The following UBR1 variants were observed in gnomAD, a reference collection of about 807,000 sequenced individuals.
The protein encoded by UBR1 is ubiquitin protein ligase E3 component n-recognin 1.
UBR1 carries 102 observed loss-of-function variants against 242.1 expected under a neutral mutation model. That is an observed-to-expected ratio of 0.42 (90% CI 0.36 to 0.50). UBR1 has a LOEUF of 0.50. Ranked by LOEUF, UBR1 falls within the 20% of genes least tolerant of loss-of-function variation. The pLI is 0.01. For synonymous variants in UBR1, 675 were observed against 684.8 expected, an observed-to-expected ratio of 0.99 and a Z score of 0.22; for missense variants, 1,772 against 2,101.8, an observed-to-expected ratio of 0.84 and a Z score of 3.07.
At position 42,970,565 on chromosome 15, in the gene UBR1, T is replaced by C; in HGVS notation, c.4412A>G (p.His1471Arg). ...AQVQEDSEEAHSASSFFAEIS... is the reference protein window; with the variant it reads ...AQVQEDSEEARSASSFFAEIS... Reference sequence around the variant, plus strand: ...TTCTGCAAAGAAAGAAGATGCGGAATGAGCCTCTTCACTGTCTTCTTGAAC... The same window carrying C: ...TTCTGCAAAGAAAGAAGATGCGGAACGAGCCTCTTCACTGTCTTCTTGAAC... Residue 1471 changes from histidine to arginine, a missense_variant, in exon 40 of 47, where the codon CAT (histidine) becomes CGT (arginine). His to Arg is a conservative substitution (Grantham distance 29, BLOSUM62 0). Transcript: ENST00000290650. 6.2e-7 allele frequency: 1 copy of C among 1,613,904 alleles called. No individual in the cohort carries two copies. The highest frequency in any genetic ancestry group is 8.5e-7 in the Non-Finnish European group (1 of 1,180,020).
chr15:42,988,506 C>G, intron 35 of UBR1: 1 of 356,946 alleles, frequency 2.8e-6, no homozygotes, highest in Admixed American at 4.0e-5. Flanking sequence ...TGGTCTCAAA[C>G]TCCTGCTCTC....
At chr15:42,987,242 G>T (rs964528535) in intron 35 of UBR1, among the ~76,000 whole-genome samples, 1 of 152,214 alleles carries the variant, frequency 6.6e-6, no homozygotes, top group Non-Finnish European at 1.5e-5. Context: ...CAATGTAGGC[G>T]GAGGCTCACT....
intron 39 of UBR1, 96 bp downstream of exon 39, chr15:42,976,621 C>T (rs2141266792): frequency 1.4e-6 from 2 of 1,449,618 alleles, no homozygotes; most frequent in East Asian, 4.6e-5. Flanking sequence ...TAACACAGAA[C>T]CTAGAAATAC....
chr15:42,970,717 G>A, intron 39 of UBR1, 110 bp from the exon 40 acceptor site: 1 of 1,000,902 alleles, frequency 1.0e-6, no homozygotes, highest in Non-Finnish European at 1.5e-6. Flanking sequence ...ATTCAACTGA[G>A]GTTCTTTCCT....
At chr15:43,090,956 T>C (rs939162200) in intron 1 of UBR1, among the ~76,000 whole-genome samples, 2 of 152,226 alleles carry the variant, frequency 1.3e-5, no homozygotes, top group African/African-American at 2.4e-5. Flanking sequence ...TTATTTTTTT[T>C]GAGGTGGAGT....
intron 20 of UBR1, among the ~76,000 whole-genome samples, chr15:43,030,917 T>C (rs1209818648): frequency 6.6e-6 from 1 of 152,224 alleles, no homozygotes; most frequent in Non-Finnish European, 1.5e-5. Context: ...CATTCATTCC[T>C]CTTTACATTT....
chr15:42,968,582 A>C (rs992847207), intron 40 of UBR1, among the ~76,000 whole-genome samples: 3 of 152,010 alleles, frequency 2.0e-5, no homozygotes, highest in African/African-American at 7.3e-5. Flanking sequence ...GGTTTGTTAT[A>C]TAGGTATACA....
In UBR1 at chr15:43,034,436, T is replaced by C. The variant is rs2141314988; in HGVS notation, c.2190+1742A>G. The stretch of plus-strand genomic sequence containing the variant: ...GCCTGGGCGACAGAGTGAGACTCTG[T>C]CTCAAAAACAATTAATAAATAAATA... On this transcript the variant is annotated intron_variant, in intron 19 of 46. Coordinates refer to ENST00000290650, the MANE Select transcript of UBR1 (RefSeq NM_174916.3). Among the ~76,000 whole-genome samples the C allele has an allele frequency of 2.0e-5, 3 of 151,622 alleles. No individual in the cohort carries two copies. The South Asian group carries it at 6.2e-4, about 32-fold the overall frequency.
At chr15:43,102,331 T>G (rs910782279) in intron 1 of UBR1, among the ~76,000 whole-genome samples, 2 of 152,198 alleles carry the variant, frequency 1.3e-5, no homozygotes, top group Non-Finnish European at 2.9e-5. Context: ...AACTTCTTAA[T>G]TGCTCCCACT....
At chr15:43,020,898 C>G (rs1413612330) in intron 27 of UBR1, among the ~76,000 whole-genome samples, 1 of 152,138 alleles carries the variant, frequency 6.6e-6, no homozygotes, top group Non-Finnish European at 1.5e-5. Context: ...CCAAAGTAAC[C>G]CCTTACTCAT....
Position 43,021,328 on chromosome 15 carries a change from T to C in UBR1, c.2887A>G (p.Lys963Glu). The C allele has an allele frequency of 6.2e-7, 1 of 1,613,824 alleles. No individual in the cohort carries two copies. The highest frequency in any genetic ancestry group is 2.2e-5 in the East Asian group (1 of 44,786). The change falls in exon 27 of 47, where the codon AAA becomes GAA. Residue 963 changes from lysine to glutamate, a missense_variant. This residue lies in a region of UBR1 where 965 missense variants were observed against 1,079.7 expected (regional missense o/e 0.89). Coordinates refer to ENST00000290650, the MANE Select transcript of UBR1 (RefSeq NM_174916.3). ...TGGCCTTCTAACTGGGGAATTCCTTTGAGTTTTTCCAAAAGCATTTGTATA... is the reference window on the plus strand; with the variant it reads ...TGGCCTTCTAACTGGGGAATTCCTTCGAGTTTTTCCAAAAGCATTTGTATA... ...MNIQMLLEKL[K>E]GIPQLEGQKD... is the part of the protein sequence containing the mutation.
In UBR1 at chr15:42,960,686, A is replaced by C; in HGVS notation, c.4716T>G (p.Pro1572=). 1 of 1,614,056 alleles carries C rather than the reference A, an allele frequency of 6.2e-7. No homozygotes were observed. The change falls in exon 43 of 47, where the codon CCT becomes CCG. Residue 1572 remains proline (P), a synonymous_variant. Coordinates refer to ENST00000290650, the MANE Select transcript of UBR1 (RefSeq NM_174916.3). ...RPLLQRWCAD[P]ALLNCLKQKN... is the part of the protein sequence containing the mutation. The stretch of plus-strand genomic sequence containing the variant: ...TTTGCTTCAAACAGTTTAGTAAGGC[A>C]GGATCTGCACACCACCTGTATGTGG...
chr15:43,036,710 G>A, intron 17 of UBR1, 117 bp from the exon 18 acceptor site: 1 of 685,470 alleles, frequency 1.5e-6, no homozygotes, highest in South Asian at 1.8e-5. Flanking sequence ...AATCCTTAGT[G>A]GCAAAAATAA....
intron 29 of UBR1, among the ~76,000 whole-genome samples, chr15:43,008,392 G>A (rs2032866564): frequency 6.6e-6 from 1 of 152,276 alleles, no homozygotes; most frequent in Non-Finnish European, 1.5e-5. Flanking sequence ...GGCCAGGTGT[G>A]TGCACACTAG....
At chr15:43,034,136 G>A (rs554301546) in intron 19 of UBR1, among the ~76,000 whole-genome samples, 7 of 152,106 alleles carry the variant, frequency 4.6e-5, no homozygotes, top group Admixed American at 2.6e-4. Flanking sequence ...ACTTGGGGAG[G>A]CTGAGGCAGG....
At chr15:42,954,366 T>C (rs983718415) in intron 44 of UBR1, among the ~76,000 whole-genome samples, 2 of 152,086 alleles carry the variant, frequency 1.3e-5, no homozygotes, top group South Asian at 4.1e-4. Context: ...GATGATTGAC[T>C]AGAAAGGGAG....
At chr15:42,988,592 ATT>A (rs982894894) in intron 35 of UBR1, 2 of 566,880 alleles carry the variant, frequency 3.5e-6, no homozygotes, top group Non-Finnish European at 6.1e-6. Context: ...TTTTAAAAAT[ATT>A]TTTTTTAACT....
chr15:42,977,050 G>A (rs920012775), intron 38 of UBR1, among the ~76,000 whole-genome samples, 183 bp from the exon 39 acceptor site: 1 of 152,150 alleles, frequency 6.6e-6, no homozygotes, highest in Non-Finnish European at 1.5e-5. Context: ...CATAAATGGA[G>A]GACGATGATC....
chr15:43,056,216 TA>T, intron 11 of UBR1, 127 bp downstream of exon 11: 1 of 764,898 alleles, frequency 1.3e-6, no homozygotes, highest in Non-Finnish European at 2.3e-6. Context: ...TGGGTAGCAC[TA>T]AAGTATTCAC....
Sources: allele counts gnomAD v4.1 joint callset (sites outside exome capture counted in the v4.1 genomes callset), GRCh38; gene constraint gnomAD v4.1.1; regional missense constraint gnomAD v4.1.1; transcripts MANE v1.5; gene names NCBI Gene and HGNC (gene_info 2026-07-23, HGNC 2026-07-21).